Variants in WDR7 observed in about 807,000 individuals in gnomAD.
WDR7 encodes WD repeat domain 7, also known as WD repeat-containing protein 7.
In WDR7, 46 loss-of-function variants were observed where a neutral mutation model predicts 169.4. The ratio of observed to expected loss-of-function variants is 0.27; its 90% CI spans 0.21 to 0.35. The LOEUF (loss-of-function observed/expected upper bound fraction) is 0.35, where lower values mean the gene tolerates loss of function less well. Ranked by LOEUF, WDR7 falls within the 10% of genes least tolerant of loss-of-function variation. The pLI is 1.00. For missense variants in WDR7, 1,534 were observed against 1,859.3 expected (o/e 0.83, Z 3.22); for synonymous variants, 612 against 666.8 (o/e 0.92, Z 1.27).
At position 56,682,822 on chromosome 18, in the gene WDR7, C is replaced by A. The variant is rs369409843; in HGVS notation, c.489C>A (p.Ser163=). The change falls in exon 5 of 28, where the codon TCC becomes TCA. Residue 163 remains serine, a synonymous_variant. Coordinates refer to ENST00000254442, the MANE Select transcript of WDR7 (RefSeq NM_015285.3). Reference sequence around the variant, plus strand: ...AGATATCACCAGACTGGATTAGCTCCATGAGTATTATTCGATCCCACCGAA... The same window carrying A: ...AGATATCACCAGACTGGATTAGCTCAATGAGTATTATTCGATCCCACCGAA... ...VSKISPDWIS[S]MSIIRSHRTQ... is the part of the protein sequence containing the mutation. 1.9e-5 allele frequency: 31 copies of A among 1,613,708 alleles called. No homozygotes were observed. The African/African-American group carries it at 3.5e-4, about 18-fold the overall frequency.
intron 20 of WDR7, among the ~76,000 whole-genome samples, chr18:56,817,482 G>A (rs2044998259): frequency 1.3e-5 from 2 of 152,082 alleles, no homozygotes; most frequent in South Asian, 4.1e-4. Flanking sequence ...TTTACAAAGT[G>A]TATATTTAAA....
chr18:56,680,417 C>T (rs554909), intron 3 of WDR7, among the ~76,000 whole-genome samples: 139,779 of 152,258 alleles, frequency 0.92, 65,323 homozygotes, highest in East Asian at 1. Flanking sequence ...GTATAATTCA[C>T]TGGAACAAAA....
chr18:56,987,331 C>T (rs940174603), intron 26 of WDR7, among the ~76,000 whole-genome samples: 1 of 127,114 alleles, frequency 7.9e-6, no homozygotes, highest in Non-Finnish European at 1.7e-5. Flanking sequence ...TCATCAAAAA[C>T]TTCCATCCTC....
chr18:56,809,669 G>A (rs1159023850), intron 19 of WDR7, among the ~76,000 whole-genome samples: 1 of 151,884 alleles, frequency 6.6e-6, no homozygotes, highest in African/African-American at 2.4e-5. Flanking sequence ...TTTGTAGCAG[G>A]GAGAACTAAA....
intron 20 of WDR7, among the ~76,000 whole-genome samples, chr18:56,828,476 G>A (rs1227473620): frequency 1.3e-5 from 2 of 152,150 alleles, no homozygotes; most frequent in African/African-American, 4.8e-5. Flanking sequence ...TGGCCATTTA[G>A]TTGACAGTCA....
chr18:56,747,581 G>A (rs1568172106), intron 14 of WDR7, among the ~76,000 whole-genome samples: 1 of 152,142 alleles, frequency 6.6e-6, no homozygotes, highest in African/African-American at 2.4e-5. Context: ...ATTGTGTTGA[G>A]CCTTTTACTA....
At chr18:56,801,526 A>G (rs562364848) in intron 19 of WDR7, among the ~76,000 whole-genome samples, 1 of 152,220 alleles carries the variant, frequency 6.6e-6, no homozygotes, top group Non-Finnish European at 1.5e-5. Context: ...AGGTTTTGAT[A>G]AATGGTCAAA....
At chr18:56,907,447 G>A (rs17683479) in intron 21 of WDR7, among the ~76,000 whole-genome samples, 540 of 152,254 alleles carry the variant, frequency 3.5e-3, no homozygotes, top group African/African-American at 7.2e-3. Context: ...TGGACGTGCC[G>A]TGACGCTTGG....
intron 20 of WDR7, among the ~76,000 whole-genome samples, chr18:56,824,608 C>G (rs1416743156): frequency 6.6e-6 from 1 of 152,210 alleles, no homozygotes; most frequent in Non-Finnish European, 1.5e-5. Flanking sequence ...AACCTCCCTG[C>G]CCATCTTCTT....
At chr18:56,936,463 T>C (rs2046962104) in intron 23 of WDR7, among the ~76,000 whole-genome samples, 1 of 152,202 alleles carries the variant, frequency 6.6e-6, no homozygotes, top group Non-Finnish European at 1.5e-5. Context: ...CTATAGGTCT[T>C]AGTAGGAGGA....
At position 56,758,920 on chromosome 18, in the gene WDR7, T is replaced by A. The variant is rs143119808; in HGVS notation, c.2815T>A (p.Ser939Thr). The change falls in exon 16 of 28, where the codon TCC (serine) becomes ACC (threonine). Residue 939 changes from serine to threonine, a missense_variant. Transcript: ENST00000254442. ...TAAGGCAAGGGGTTCCCCTCCAACTTCCAGTAATATTGTGCAAGGACAGAT... is the reference window on the plus strand; with the variant it reads ...TAAGGCAAGGGGTTCCCCTCCAACTACCAGTAATATTGTGCAAGGACAGAT... ...LSKARGSPPT[S>T]SNIVQGQIKQ... 2.5e-6 allele frequency: 4 copies of A among 1,613,036 alleles called. No homozygotes were observed. Among genetic ancestry groups the A allele is most frequent in the Non-Finnish European group, 3.4e-6 (4 of 1,179,478 alleles).
chr18:56,905,290 A>G (rs1035378716), intron 21 of WDR7, among the ~76,000 whole-genome samples: 1 of 152,140 alleles, frequency 6.6e-6, no homozygotes, highest in African/African-American at 2.4e-5. Flanking sequence ...CTGGGACTAC[A>G]GTTTTGCACC....
At chr18:56,922,147 G>C (rs1599160074) in intron 21 of WDR7, among the ~76,000 whole-genome samples, 2 of 152,114 alleles carry the variant, frequency 1.3e-5, no homozygotes, top group South Asian at 4.1e-4. Flanking sequence ...AAAATAAACA[G>C]GAAAATGGTA....
intron 20 of WDR7, chr18:56,873,653 C>A (rs2045983687): frequency 6.6e-6 from 1 of 152,240 alleles, no homozygotes; most frequent in African/African-American, 2.4e-5. Context: ...GATCAGTATC[C>A]CTGCAGTCCC....
At chr18:56,913,004 A>G (rs1464371467) in intron 21 of WDR7, among the ~76,000 whole-genome samples, 1 of 151,698 alleles carries the variant, frequency 6.6e-6, no homozygotes, top group Non-Finnish European at 1.5e-5. Flanking sequence ...CCTCCCAGCT[A>G]GCTGGGACTG....
chr18:56,903,717 G>A (rs1191271359), intron 21 of WDR7, among the ~76,000 whole-genome samples: 3 of 152,080 alleles, frequency 2.0e-5, no homozygotes, highest in Non-Finnish European at 4.4e-5. Context: ...ACCACACCCA[G>A]CCATTTTTCC....
chr18:56,927,247 C>T (rs771171554), intron 22 of WDR7, among the ~76,000 whole-genome samples: 6 of 152,082 alleles, frequency 3.9e-5, no homozygotes, highest in Admixed American at 6.5e-5. Flanking sequence ...CCCCATGTCC[C>T]GACATCTCCT....
chr18:56,733,494 A>G (rs970925578), intron 14 of WDR7, among the ~76,000 whole-genome samples: 3 of 152,218 alleles, frequency 2.0e-5, no homozygotes, highest in Admixed American at 6.5e-5. Context: ...AATTTTTTAC[A>G]TGAGTCTTTC....
intron 9 of WDR7, among the ~76,000 whole-genome samples, chr18:56,692,725 A>C (rs570501929): frequency 6.6e-6 from 1 of 152,180 alleles, no homozygotes; most frequent in Admixed American, 6.5e-5. Flanking sequence ...ACCAAAAAAA[A>C]AATCATTTTC....
Sources: gnomAD v4.1 joint callset for allele counts (sites outside exome capture counted in the v4.1 genomes callset) on GRCh38, gnomAD v4.1.1 for gene constraint, MANE v1.5 for transcripts, NCBI Gene and HGNC (gene_info 2026-07-23, HGNC 2026-07-21) for gene names.